Variants in C16orf95 observed in about 807,000 individuals in gnomAD.
The protein encoded by C16orf95 is chromosome 16 open reading frame 95, also known as uncharacterized protein C16orf95.
Under a neutral mutation model 32.1 loss-of-function variants are expected in C16orf95, and 41 were observed. That is an observed-to-expected ratio of 1.28 (90% CI 1.00 to 1.66). C16orf95 has a LOEUF of 1.66. C16orf95 is among the 40% of genes most tolerant of loss of function. The pLI is 0.00. For missense variants in C16orf95, 399 were observed against 325.9 expected, an observed-to-expected ratio of 1.22 and a Z score of -1.73; for synonymous variants, 147 against 128.9, an observed-to-expected ratio of 1.14 and a Z score of -0.95.
At chr16:87,308,287 C>T (rs1302560500) in intron 5 of C16orf95, among the ~76,000 whole-genome samples, 1 of 152,018 alleles carries the variant, frequency 6.6e-6, no homozygotes, top group African/African-American at 2.4e-5. Flanking sequence ...TCCAGACCAG[C>T]CTGACCAACA....
At chr16:87,314,421 CT>C (rs1443673337) in intron 3 of C16orf95, among the ~76,000 whole-genome samples, 1 of 152,226 alleles carries the variant, frequency 6.6e-6, no homozygotes, top group African/African-American at 2.4e-5. Context: ...AGTACAAAGT[CT>C]ATGACCCCAT....
intron 5 of C16orf95, among the ~76,000 whole-genome samples, chr16:87,308,706 A>G (rs2150649720): frequency 6.6e-6 from 1 of 152,316 alleles, no homozygotes; most frequent in Admixed American, 6.5e-5. Context: ...TGGCAAAGCC[A>G]TGTTTTCACT....
chr16:87,310,545 A>G (rs1292394791), intron 4 of C16orf95, among the ~76,000 whole-genome samples: 1 of 152,202 alleles, frequency 6.6e-6, no homozygotes, highest in Non-Finnish European at 1.5e-5. Flanking sequence ...GGGGGAAGGA[A>G]GGAAGCCCTT....
chr16:87,303,162 G>A, intron 6 of C16orf95, 87 bp from the exon 7 acceptor site: 3 of 1,378,088 alleles, frequency 2.2e-6, no homozygotes, highest in Non-Finnish European at 2.0e-6. Flanking sequence ...AAACCTCCAT[G>A]AGCGGAAGGC....
chr16:87,303,931 T>G (rs1328808892), intron 6 of C16orf95, among the ~76,000 whole-genome samples: 1 of 152,206 alleles, frequency 6.6e-6, no homozygotes, highest in African/African-American at 2.4e-5. Flanking sequence ...TCCTTCCATC[T>G]TACCAAGTAA....
Position 87,314,743 on chromosome 16 carries a change from G to C in C16orf95, c.330+228C>G, listed in dbSNP as rs111681639. 9.2e-5 allele frequency among the ~76,000 whole-genome samples: 14 copies of C among 152,310 alleles called. 1 individual carries two copies. Among genetic ancestry groups the C allele is most frequent in the African/African-American group, 3.4e-4 (14 of 41,576 alleles). On this transcript the variant is annotated intron_variant, in intron 3 of 6. Coordinates refer to ENST00000567970, the MANE Select transcript of C16orf95 (RefSeq NM_001195124.3). ...AGATCCTTTTATAGTTCATAAGCAT[G>C]ATAACTGGGTACTCATGCACATGTG...
At chr16:87,313,570 C>T (rs114986948) in intron 3 of C16orf95, among the ~76,000 whole-genome samples, 1,975 of 151,994 alleles carry the variant, frequency 0.013, 47 homozygotes, top group African/African-American at 0.045. Flanking sequence ...CTCATCTCCA[C>T]GAAAAATAAA....
chr16:87,315,697 C>G, intron 2 of C16orf95, 75 bp downstream of exon 2: 2 of 1,162,552 alleles, frequency 1.7e-6, no homozygotes, highest in Non-Finnish European at 2.3e-6. Flanking sequence ...CTTCTGGACC[C>G]ACATTCCCTG....
intron 6 of C16orf95, among the ~76,000 whole-genome samples, chr16:87,304,458 A>G (rs1034175245): frequency 6.6e-6 from 1 of 151,928 alleles, no homozygotes; most frequent in Non-Finnish European, 1.5e-5. Context: ...TGTGGGTACA[A>G]AGGAGTCAAA....
At chr16:87,310,594 A>G (rs1436688715) in intron 4 of C16orf95, among the ~76,000 whole-genome samples, 1 of 152,224 alleles carries the variant, frequency 6.6e-6, no homozygotes, top group African/African-American at 2.4e-5. Context: ...GGGGAGCGAG[A>G]GGCCCAGGGG....
chr16:87,310,194 C>A (rs1597344823), intron 5 of C16orf95, 103 bp downstream of exon 5: 2 of 1,144,768 alleles, frequency 1.7e-6, no homozygotes, highest in East Asian at 5.1e-5. Context: ...ACACTGTGGG[C>A]AGGTGTCTGG....
intron 4 of C16orf95, among the ~76,000 whole-genome samples, chr16:87,310,624 C>T (rs1286349777): frequency 6.6e-6 from 1 of 152,216 alleles, no homozygotes; most frequent in East Asian, 1.9e-4. Flanking sequence ...AGACCTGCTG[C>T]CGCTGCCCAG....
At position 87,302,851 on chromosome 16, in the gene C16orf95, A is replaced by G. The variant is rs1007340585; in HGVS notation, c.*206T>C. The G allele has an allele frequency of 1.0e-5, 6 of 602,092 alleles. No homozygotes were observed. The highest frequency in any genetic ancestry group is 5.6e-5 in the African/African-American group (3 of 54,012). 37.3% of individuals were successfully genotyped at this position (602,092 alleles called of 1,614,324 possible). On this transcript the variant is annotated 3_prime_UTR_variant, in exon 7 of 7. Transcript: ENST00000567970. The stretch of plus-strand genomic sequence containing the variant: ...CAAATAACATTTATTGACCACATTC[A>G]TAACAGAAACTCACCCACATTCACA...
intron 3 of C16orf95, among the ~76,000 whole-genome samples, chr16:87,314,701 A>C (rs1242953587): frequency 2.0e-5 from 3 of 152,164 alleles, no homozygotes; most frequent in Admixed American, 6.5e-5. Flanking sequence ...TTTTAGAAAA[A>C]ACTGTTTAAA....
intron 5 of C16orf95, among the ~76,000 whole-genome samples, chr16:87,307,739 C>G (rs56744766): frequency 0.21 from 32,237 of 152,130 alleles, 3,553 homozygotes; most frequent in South Asian, 0.31. Context: ...GCCTGGGTGA[C>G]AGAGTGAGAC....
chr16:87,309,363 C>CTTTTT (rs1911170856), intron 5 of C16orf95, among the ~76,000 whole-genome samples: 1 of 94,746 alleles, frequency 1.1e-5, no homozygotes, highest in Admixed American at 1.0e-4. Flanking sequence ...TTTTCTTTTT[C>CTTTTT]TTTCTTTTCT....
chr16:87,310,153 G>C, intron 5 of C16orf95, 144 bp downstream of exon 5: 1 of 834,664 alleles, frequency 1.2e-6, no homozygotes, highest in Non-Finnish European at 1.9e-6. Flanking sequence ...CTGTTGAGCA[G>C]GGGAAGGGAA....
Position 87,305,645 on chromosome 16 carries a change from G to A in C16orf95, c.701+74C>T, listed in dbSNP as rs1910984880. 4.5e-6 allele frequency: 6 copies of A among 1,335,962 alleles called. No homozygotes were observed. The highest frequency in any genetic ancestry group is 9.9e-7 in the Non-Finnish European group (1 of 1,010,832). 82.8% of individuals were successfully genotyped at this position (1,335,962 alleles called of 1,614,324 possible). ...CCCCCCACTCTTCCACATCCCTGAT[G>A]GCCACCAAGCCTCCCTCAGGTGGAC... On this transcript the variant is annotated intron_variant, in intron 6 of 6. Transcript: ENST00000567970. The surrounding 1 kb of genome is among the most constrained non-coding windows in gnomAD (Gnocchi z 4.2).
chr16:87,311,892 G>T (rs116603098), intron 3 of C16orf95, among the ~76,000 whole-genome samples: 4 of 152,132 alleles, frequency 2.6e-5, no homozygotes, highest in Admixed American at 6.6e-5. Flanking sequence ...GACAGACATC[G>T]GGCAACAGGG....
Sources: allele counts gnomAD v4.1 joint callset (sites outside exome capture counted in the v4.1 genomes callset), GRCh38; gene constraint gnomAD v4.1.1; non-coding constraint Gnocchi (gnomAD v3.1); transcripts MANE v1.5; gene names NCBI Gene and HGNC (gene_info 2026-07-23, HGNC 2026-07-21).